The following ATXN1 variants were observed in gnomAD, a reference collection of about 807,000 sequenced individuals.
ATXN1 encodes the protein ataxin 1.
A neutral mutation model predicts 56.4 loss-of-function variants in ATXN1; 8 were observed. That is an observed-to-expected ratio of 0.14 (90% CI 0.08 to 0.26). ATXN1 has a LOEUF of 0.26. Among genes scored for constraint, ATXN1 ranks in the 10% least tolerant of loss-of-function variants. The pLI, the probability that ATXN1 is intolerant of heterozygous loss-of-function variation, is 1.00. For synonymous variants in ATXN1, 514 were observed against 494.6 expected, an observed-to-expected ratio of 1.04 and a Z score of -0.52; for missense variants, 987 against 1,106.5, an observed-to-expected ratio of 0.89 and a Z score of 1.53.
At chr6:16,386,001 T>C (rs557307162) in intron 6 of ATXN1, among the ~76,000 whole-genome samples, 1 of 152,342 alleles carries the variant, frequency 6.6e-6, no homozygotes, top group South Asian at 2.1e-4. Context: ...CCTTCACCCT[T>C]AAGGCTATTA....
intron 7 of ATXN1, among the ~76,000 whole-genome samples, chr6:16,320,417 C>A (rs59706950): frequency 6.8e-6 from 1 of 146,376 alleles, no homozygotes; most frequent in Non-Finnish European, 1.5e-5. Flanking sequence ...CGCTGGGAAG[C>A]GACAGACGGC....
At chr6:16,556,780 T>A (rs958676153) in intron 4 of ATXN1, among the ~76,000 whole-genome samples, 1 of 152,184 alleles carries the variant, frequency 6.6e-6, no homozygotes, top group African/African-American at 2.4e-5. Context: ...TTTAACTGCA[T>A]AAGAGAAATA....
At chr6:16,621,766 G>C (rs1233847064) in intron 3 of ATXN1, among the ~76,000 whole-genome samples, 4 of 152,144 alleles carry the variant, frequency 2.6e-5, no homozygotes, top group African/African-American at 9.7e-5. Context: ...CCGAAAAGAA[G>C]AAAAGATGCT....
chr6:16,400,487 A>C (rs1758545738), intron 6 of ATXN1, among the ~76,000 whole-genome samples: 1 of 152,210 alleles, frequency 6.6e-6, no homozygotes, highest in Non-Finnish European at 1.5e-5. Context: ...ACAAGTTTTC[A>C]AGCCAGTTCT....
chr6:16,350,229 C>T (rs1412159364), intron 6 of ATXN1, among the ~76,000 whole-genome samples: 1 of 152,180 alleles, frequency 6.6e-6, no homozygotes. Context: ...TGCAGTTAAC[C>T]TCTGTAAGCC....
At chr6:16,460,418 A>G (rs1759967435) in intron 6 of ATXN1, among the ~76,000 whole-genome samples, 1 of 152,204 alleles carries the variant, frequency 6.6e-6, no homozygotes, top group Non-Finnish European at 1.5e-5. Flanking sequence ...GGCAGTGGCT[A>G]TCTTAGTGTC....
In ATXN1 at chr6:16,669,079, C is replaced by T. The variant is rs1463994369; in HGVS notation, c.-614-11178G>A. ...AACAATCCTCCCATAGTATGTCAAA[C>T]TCACGAGGCATTTCCTTCTCCTCCA... On this transcript the variant is annotated intron_variant, in intron 2 of 7. Transcript: ENST00000436367. Among the ~76,000 whole-genome samples, 2 of 152,152 alleles carry T rather than the reference C, an allele frequency of 1.3e-5. 1 individual carries two copies. Among genetic ancestry groups the T allele is most frequent in the Non-Finnish European group, 2.9e-5 (2 of 68,024 alleles).
chr6:16,718,994 C>G (rs976332880), intron 2 of ATXN1, among the ~76,000 whole-genome samples: 3 of 152,200 alleles, frequency 2.0e-5, no homozygotes, highest in Non-Finnish European at 2.9e-5. Flanking sequence ...TACTAGACTT[C>G]CTGGGGACTC....
intron 2 of ATXN1, among the ~76,000 whole-genome samples, chr6:16,740,936 T>C (rs1226027351): frequency 6.6e-6 from 1 of 152,240 alleles, no homozygotes; most frequent in Non-Finnish European, 1.5e-5. Context: ...TCCAGCTCCA[T>C]CTCAATATTG....
chr6:16,509,497 C>T (rs1467095204), intron 5 of ATXN1, among the ~76,000 whole-genome samples: 1 of 152,164 alleles, frequency 6.6e-6, no homozygotes, highest in Non-Finnish European at 1.5e-5. Flanking sequence ...TTCTGACTGT[C>T]CTATTTATGG....
intron 5 of ATXN1, among the ~76,000 whole-genome samples, chr6:16,507,758 C>G (rs1761007529): frequency 6.6e-6 from 1 of 152,086 alleles, no homozygotes; most frequent in African/African-American, 2.4e-5. Context: ...TAACAGCCAC[C>G]TAACAGAACT....
chr6:16,654,541 TAAAAAAAA>T (rs1212773515), intron 3 of ATXN1, among the ~76,000 whole-genome samples: 44 of 122,542 alleles, frequency 3.6e-4, no homozygotes, highest in African/African-American at 1.3e-3. Flanking sequence ...GACTCTGCCT[TAAAAAAAA>T]AAAAAAAAAA....
intron 3 of ATXN1, among the ~76,000 whole-genome samples, chr6:16,623,241 C>T (rs147388885): frequency 8.4e-4 from 128 of 152,276 alleles, no homozygotes; most frequent in Middle Eastern, 3.4e-3. Context: ...ATTGCTGAGT[C>T]ACAGGGTATA....
intron 6 of ATXN1, among the ~76,000 whole-genome samples, chr6:16,330,309 C>T (rs1321600216): frequency 6.6e-6 from 1 of 151,948 alleles, no homozygotes; most frequent in East Asian, 1.9e-4. Context: ...CCTACTGAAA[C>T]ATAACCCCCT....
chr6:16,306,166 C>A lies in ATXN1; in HGVS notation c.*163G>T, dbSNP rs1760242464. On this transcript the variant is annotated 3_prime_UTR_variant, in exon 8 of 8. Coordinates refer to ENST00000436367, the MANE Select transcript of ATXN1 (RefSeq NM_001128164.2). The surrounding 1 kb of genome is among the most constrained non-coding windows in gnomAD (Gnocchi z 5.2). The stretch of plus-strand genomic sequence containing the variant: ...ACACTCGTGGAAAAAGCATATGCAC[C>A]AGTCTCCTGCGACACACCTGCTGTA... The A allele has an allele frequency of 2.3e-6, 2 of 884,146 alleles. No homozygotes were observed. Among genetic ancestry groups the A allele is most frequent in the Non-Finnish European group, 3.4e-6 (2 of 589,934 alleles). The allele number at this position is 884,146 out of a possible 1,614,324, so 54.8% of individuals were successfully genotyped here. A position where few individuals can be genotyped will look rare whatever the true frequency, so the allele number is the denominator to read the frequency against.
chr6:16,345,962 A>T (rs537326953), intron 6 of ATXN1, among the ~76,000 whole-genome samples: 34 of 152,292 alleles, frequency 2.2e-4, no homozygotes, highest in African/African-American at 8.2e-4. Context: ...ATAAAAAAAA[A>T]TTGACACTCC....
chr6:16,450,711 T>C (rs1243106392), intron 6 of ATXN1, among the ~76,000 whole-genome samples: 1 of 152,230 alleles, frequency 6.6e-6, no homozygotes, highest in African/African-American at 2.4e-5. Context: ...AATAGCTTCC[T>C]CCCTTCTGGG....
chr6:16,472,167 C>A (rs761718766), intron 6 of ATXN1, among the ~76,000 whole-genome samples: 4 of 152,138 alleles, frequency 2.6e-5, no homozygotes, highest in African/African-American at 4.8e-5. Context: ...TGCACACCTG[C>A]GTCTTCACCC....
rs897088692 is a variant in ATXN1, at chr6:16,300,919, C to G, written c.*5410G>C. Reference sequence around the variant, plus strand: ...TCAAATCGCAGAATACCGAGTTCCCCTCCCTCAGACGAGGGCTATATGTAA... The same window carrying G: ...TCAAATCGCAGAATACCGAGTTCCCGTCCCTCAGACGAGGGCTATATGTAA... On this transcript the variant is annotated 3_prime_UTR_variant, in exon 8 of 8. Coordinates refer to ENST00000436367, the MANE Select transcript of ATXN1 (RefSeq NM_001128164.2). 1 of 152,600 alleles carries G rather than the reference C, an allele frequency of 6.6e-6. No homozygotes were observed. Among genetic ancestry groups the G allele is most frequent in the African/African-American group, 2.4e-5 (1 of 41,432 alleles). The allele number at this position is 152,600 out of a possible 1,614,324, so 9.5% of individuals were successfully genotyped here. A position where few individuals can be genotyped will look rare whatever the true frequency, so the allele number is the denominator to read the frequency against.
Sources: gnomAD v4.1 joint callset for allele counts (sites outside exome capture counted in the v4.1 genomes callset) on GRCh38, gnomAD v4.1.1 for gene constraint, Gnocchi (gnomAD v3.1) non-coding constraint, MANE v1.5 for transcripts, NCBI Gene and HGNC (gene_info 2026-07-23, HGNC 2026-07-21) for gene names.